Variants in FGGY observed in about 807,000 individuals in gnomAD.
FGGY encodes FGGY carbohydrate kinase domain-containing protein.
A neutral mutation model predicts 71.3 loss-of-function variants in FGGY; 72 were observed. That is an observed-to-expected ratio of 1.01 (90% CI 0.84 to 1.23). The LOEUF is 1.23. FGGY is among the 50% of genes most tolerant of loss of function. FGGY has a pLI of 0.00. For synonymous variants in FGGY, 251 were observed against 250.3 expected, an observed-to-expected ratio of 1.00 and a Z score of -0.02; for missense variants, 668 against 682.3, an observed-to-expected ratio of 0.98 and a Z score of 0.23.
chr1:59,451,771 G>A (rs79212178), intron 5 of FGGY, among the ~76,000 whole-genome samples: 20 of 152,196 alleles, frequency 1.3e-4, no homozygotes, highest in African/African-American at 4.6e-4. Flanking sequence ...ATAATATTTT[G>A]TCTGGGTATA....
intron 5 of FGGY, among the ~76,000 whole-genome samples, chr1:59,440,519 A>T (rs1483785882): frequency 6.6e-6 from 1 of 151,918 alleles, no homozygotes; most frequent in Non-Finnish European, 1.5e-5. Context: ...TTCCTATGCA[A>T]AAATAAAATA....
intron 1 of FGGY, among the ~76,000 whole-genome samples, chr1:59,309,736 G>A (rs1037955426): frequency 2.0e-5 from 3 of 152,002 alleles, no homozygotes; most frequent in African/African-American, 7.3e-5. Flanking sequence ...AGCACTTTGG[G>A]AGGCCAAGGT....
At chr1:59,702,267 A>G (rs1484057712) in intron 14 of FGGY, among the ~76,000 whole-genome samples, 1 of 152,212 alleles carries the variant, frequency 6.6e-6, no homozygotes, top group Non-Finnish European at 1.5e-5. Flanking sequence ...TATCAGAGGT[A>G]TAAAGCCAAA....
At chr1:59,387,774 C>T (rs1220937043) in intron 5 of FGGY, among the ~76,000 whole-genome samples, 1 of 152,100 alleles carries the variant, frequency 6.6e-6, no homozygotes, top group Non-Finnish European at 1.5e-5. Context: ...TTTTGCTGAA[C>T]CATTTGTAAA....
At chr1:59,458,066 C>A (rs139561072) in intron 6 of FGGY, among the ~76,000 whole-genome samples, 194 of 152,280 alleles carry the variant, frequency 1.3e-3, no homozygotes, top group Admixed American at 4.0e-3. Context: ...AAGTCAGGAT[C>A]GAAATTCTCC....
intron 8 of FGGY, among the ~76,000 whole-genome samples, chr1:59,584,169 C>G (rs557648757): frequency 1.3e-5 from 2 of 149,512 alleles, no homozygotes; most frequent in Admixed American, 1.3e-4. Flanking sequence ...TTTTATGAGG[C>G]CAGCAACATC....
intron 7 of FGGY, among the ~76,000 whole-genome samples, chr1:59,534,870 C>G (rs1239196543): frequency 6.6e-6 from 1 of 152,092 alleles, no homozygotes. Context: ...CCAGCCACTG[C>G]AAAATCATGC....
At chr1:59,550,368 A>G (rs2095589416) in intron 7 of FGGY, among the ~76,000 whole-genome samples, 1 of 152,090 alleles carries the variant, frequency 6.6e-6, no homozygotes. Context: ...ATAGCCCATC[A>G]AAGCACTGTG....
intron 8 of FGGY, among the ~76,000 whole-genome samples, chr1:59,582,143 G>A (rs185492680): frequency 1.9e-4 from 28 of 149,534 alleles, no homozygotes; most frequent in African/African-American, 6.3e-4. Flanking sequence ...CAGCTACTTG[G>A]GAGGCTAAGG....
At chr1:59,571,981 G>A (rs2095994459) in intron 8 of FGGY, among the ~76,000 whole-genome samples, 1 of 152,152 alleles carries the variant, frequency 6.6e-6, no homozygotes, top group Non-Finnish European at 1.5e-5. Context: ...TCAGGACACT[G>A]GTGAATTAGA....
chr1:59,373,981 A>G (rs2058192786), intron 4 of FGGY, among the ~76,000 whole-genome samples: 1 of 152,252 alleles, frequency 6.6e-6, no homozygotes, highest in South Asian at 2.1e-4. Flanking sequence ...ACCATTCAGG[A>G]CATAGGCATG....
intron 6 of FGGY, among the ~76,000 whole-genome samples, chr1:59,462,449 T>C (rs567050861): frequency 6.6e-6 from 1 of 152,114 alleles, no homozygotes; most frequent in East Asian, 1.9e-4. Context: ...AAAGCCAAAA[T>C]TGACAAATGG....
In FGGY at chr1:59,378,479, A is replaced by G. The variant is rs77227086; in HGVS notation, c.466-270A>G. On this transcript the variant is annotated intron_variant, in intron 4 of 15. Transcript: ENST00000303721. The stretch of plus-strand genomic sequence containing the variant: ...GTATGTCTTTATCAGCAGTGTGAAA[A>G]TGGACTAACACAGCTTTCTATCCTT... Among the ~76,000 whole-genome samples, 229 of 152,194 alleles carry G rather than the reference A, an allele frequency of 1.5e-3. 2 individuals are homozygous for G. In the East Asian group the frequency reaches 0.021, roughly 14 times the overall value.
intron 5 of FGGY, among the ~76,000 whole-genome samples, chr1:59,439,243 G>C (rs1263219381): frequency 6.6e-6 from 1 of 152,122 alleles, no homozygotes; most frequent in African/African-American, 2.4e-5. Context: ...CCGCTCAATA[G>C]ATTTTAATTA....
At chr1:59,586,983 G>A (rs891417800) in intron 8 of FGGY, among the ~76,000 whole-genome samples, 1 of 152,226 alleles carries the variant, frequency 6.6e-6, no homozygotes, top group Admixed American at 6.5e-5. Flanking sequence ...AGCTGAAGCA[G>A]GGCAAGGCAT....
intron 4 of FGGY, among the ~76,000 whole-genome samples, chr1:59,376,566 A>T (rs1213046531): frequency 6.6e-6 from 1 of 152,218 alleles, no homozygotes; most frequent in African/African-American, 2.4e-5. Context: ...CTCTAAGGAG[A>T]TAACACATGT....
At chr1:59,686,130 G>T (rs1206166020) in intron 14 of FGGY, among the ~76,000 whole-genome samples, 1 of 152,180 alleles carries the variant, frequency 6.6e-6, no homozygotes, top group Non-Finnish European at 1.5e-5. Flanking sequence ...GATAGGCTGG[G>T]TTTATAGCTT....
At position 59,312,771 on chromosome 1, in the gene FGGY, T is replaced by C. The variant is rs369871935; in HGVS notation, c.-14-8765T>C. Among the ~76,000 whole-genome samples the C allele has an allele frequency of 8.7e-4, 133 of 152,308 alleles. 3 individuals carry two copies. In the South Asian group the frequency reaches 0.027, roughly 31 times the overall value. ...TGTTGGACATTACCTGTGTGGCTCT[T>C]GGAAGGTTATGGTTTTTGGCCACCA... On this transcript the variant is annotated intron_variant, in intron 1 of 15. Coordinates refer to ENST00000303721, the MANE Select transcript of FGGY (RefSeq NM_018291.5).
chr1:59,625,209 G>A lies in FGGY; in HGVS notation c.1012-779G>A, dbSNP rs143723033. On this transcript the variant is annotated intron_variant, in intron 9 of 15. Transcript: ENST00000303721. ...AGATGAGGTTCAGGAACTCAAGCAC[G>A]GTGTTGCTTGGGTGTGTTATGGCAA... Among the ~76,000 whole-genome samples the A allele has an allele frequency of 4.2e-4, 64 of 152,278 alleles. 1 individual carries two copies. The East Asian group carries it at 8.5e-3, about 20-fold the overall frequency.
Sources: allele counts gnomAD v4.1 joint callset (sites outside exome capture counted in the v4.1 genomes callset), GRCh38; gene constraint gnomAD v4.1.1; transcripts MANE v1.5; gene names NCBI Gene and HGNC (gene_info 2026-07-23, HGNC 2026-07-21).